DHRSX: variants seen among roughly 807,000 people sequenced by gnomAD.
The protein encoded by DHRSX is polyprenol dehydrogenase.
Under a neutral mutation model 34.0 loss-of-function variants are expected in DHRSX, and 31 were observed. The observed-to-expected ratio is 0.91, with a 90% CI of 0.69 to 1.23. The LOEUF is 1.23. Among genes scored for constraint, DHRSX ranks in the 50% most tolerant of loss-of-function variants. DHRSX has a pLI of 0.00. For synonymous variants in DHRSX, 201 were observed against 183.8 expected, an observed-to-expected ratio of 1.09 and a Z score of -0.76; for missense variants, 414 against 428.1, an observed-to-expected ratio of 0.97 and a Z score of 0.29.
intron 3 of DHRSX, among the ~76,000 whole-genome samples, chrX:2,368,429 G>A (rs1191969825): frequency 2.6e-5 from 4 of 151,986 alleles, no homozygotes; most frequent in Admixed American, 6.6e-5. Flanking sequence ...TATTCTCTGC[G>A]TCTTTCAAAT....
chrX:2,429,626 A>AT (rs56358115), intron 1 of DHRSX, among the ~76,000 whole-genome samples: 14 of 150,686 alleles, frequency 9.3e-5, no homozygotes, highest in Admixed American at 5.3e-4. Context: ...TTTTTTTACT[A>AT]TTTTTTTTTT....
intron 3 of DHRSX, among the ~76,000 whole-genome samples, chrX:2,319,875 C>G (rs1348830475): frequency 6.6e-6 from 1 of 152,050 alleles, no homozygotes; most frequent in Non-Finnish European, 1.5e-5. Flanking sequence ...GTTGCCCAGG[C>G]TGGAGTGCGA....
At chrX:2,261,487 C>G (rs2041362765) in intron 5 of DHRSX, 1 of 151,088 alleles carries the variant, frequency 6.6e-6, no homozygotes, top group Admixed American at 6.6e-5. Context: ...AAACAGAGAT[C>G]GTGGCTGGGC....
chrX:2,464,099 C>T (rs1569503873), intron 1 of DHRSX, among the ~76,000 whole-genome samples: 1 of 152,054 alleles, frequency 6.6e-6, no homozygotes, highest in Non-Finnish European at 1.5e-5. Context: ...GAAGATGTTC[C>T]CTAAGTACGT....
At chrX:2,323,815 A>C (rs988758978) in intron 3 of DHRSX, among the ~76,000 whole-genome samples, 9 of 150,892 alleles carry the variant, frequency 6.0e-5, no homozygotes, top group Non-Finnish European at 1.0e-4. Context: ...ATTTTAGGTG[A>C]TAGGTGGTTA....
intron 3 of DHRSX, among the ~76,000 whole-genome samples, chrX:2,327,044 C>T (rs1175492421): frequency 6.6e-6 from 1 of 152,160 alleles, no homozygotes; most frequent in African/African-American, 2.4e-5. Flanking sequence ...CACTCCTGAC[C>T]TCAGGTGATC....
rs866625376 is a variant in DHRSX, at chrX:2,246,706, G to A, written c.597-3476C>T. On this transcript the variant is annotated intron_variant, in intron 5 of 6. Transcript: ENST00000334651. ...AGAAAAAGAAAAGAAAAGAAAGAAA[G>A]AGAAAGAAAGAAAGAAAGAAAGAAA... is the stretch of plus-strand genomic sequence containing the variant. Among the ~76,000 whole-genome samples the A allele has an allele frequency of 2.6e-3, 279 of 107,502 alleles. 1 individual carries two copies. Among genetic ancestry groups the A allele is most frequent in the African/African-American group, 8.3e-3 (245 of 29,614 alleles). 70.5% of individuals were successfully genotyped at this position (107,502 alleles called of 152,430 possible).
chrX:2,435,548 G>A (rs1179344445), intron 1 of DHRSX, among the ~76,000 whole-genome samples: 5 of 151,630 alleles, frequency 3.3e-5, no homozygotes, highest in Non-Finnish European at 7.4e-5. Context: ...ACAATCACTT[G>A]AGGCCAGGAG....
chrX:2,408,444 G>C (rs1256036077), intron 3 of DHRSX, among the ~76,000 whole-genome samples: 5 of 152,080 alleles, frequency 3.3e-5, no homozygotes, highest in Non-Finnish European at 7.4e-5. Context: ...AGGTCAACAG[G>C]AAAGGACAAT....
intron 1 of DHRSX, among the ~76,000 whole-genome samples, chrX:2,448,755 G>A (rs2044175627): frequency 6.6e-6 from 1 of 152,162 alleles, no homozygotes; most frequent in South Asian, 2.1e-4. Context: ...TTTCCAGGCA[G>A]AAAGCAAAAC....
intron 2 of DHRSX, among the ~76,000 whole-genome samples, chrX:2,419,796 C>T (rs1205392376): frequency 2.4e-5 from 3 of 123,782 alleles, no homozygotes; most frequent in Admixed American, 2.2e-4. Flanking sequence ...GGAAGGGGAA[C>T]ATCACACACC....
intron 2 of DHRSX, among the ~76,000 whole-genome samples, chrX:2,412,754 T>C (rs984100431): frequency 6.6e-6 from 1 of 152,120 alleles, no homozygotes; most frequent in African/African-American, 2.4e-5. Flanking sequence ...CATTCAGTCT[T>C]TGAAAACCAG....
intron 6 of DHRSX, among the ~76,000 whole-genome samples, chrX:2,237,719 G>C (rs2016048894): frequency 6.6e-6 from 1 of 151,858 alleles, no homozygotes; most frequent in South Asian, 2.1e-4. Flanking sequence ...TGGTTAGGCT[G>C]GTCTTGAACT....
chrX:2,275,827 GC>G (rs2041622904), intron 4 of DHRSX, among the ~76,000 whole-genome samples: 1 of 149,772 alleles, frequency 6.7e-6, no homozygotes, highest in Non-Finnish European at 1.5e-5. Context: ...ATAATAATTT[GC>G]CTTTTTTTAA....
chrX:2,353,311 AC>A (rs2124577487), intron 3 of DHRSX, among the ~76,000 whole-genome samples: 1 of 152,074 alleles, frequency 6.6e-6, no homozygotes, highest in East Asian at 1.9e-4. Flanking sequence ...GAAACCTTCA[AC>A]CCCCTAGAGA....
intron 3 of DHRSX, among the ~76,000 whole-genome samples, chrX:2,331,185 C>G: frequency 6.6e-6 from 1 of 152,238 alleles, no homozygotes; most frequent in Non-Finnish European, 1.5e-5. Flanking sequence ...AACTCCTCTT[C>G]CATTCCAGTT....
At chrX:2,297,057 C>G (rs1743889418) in intron 3 of DHRSX, among the ~76,000 whole-genome samples, 2 of 151,312 alleles carry the variant, frequency 1.3e-5, no homozygotes, top group South Asian at 4.1e-4. Context: ...CAGGCAGGCA[C>G]TGCAAGCTGT....
intron 1 of DHRSX, among the ~76,000 whole-genome samples, chrX:2,475,228 C>T (rs1222382396): frequency 1.3e-5 from 2 of 150,906 alleles, no homozygotes; most frequent in Non-Finnish European, 3.0e-5. Context: ...GCACTGAAGA[C>T]GTTCCCCTAG....
intron 3 of DHRSX, among the ~76,000 whole-genome samples, chrX:2,398,917 A>G (rs1396322090): frequency 6.6e-6 from 1 of 151,884 alleles, no homozygotes. Flanking sequence ...CAGTGGCGCG[A>G]TCTCGGCTCA....
Sources: allele counts gnomAD v4.1 joint callset (sites outside exome capture counted in the v4.1 genomes callset), GRCh38; gene constraint gnomAD v4.1.1; transcripts MANE v1.5; gene names NCBI Gene and HGNC (gene_info 2026-07-23, HGNC 2026-07-21).